USP35: variants seen among roughly 807,000 people sequenced by gnomAD.
The protein encoded by USP35 is ubiquitin specific peptidase 35.
A neutral mutation model predicts 83.8 loss-of-function variants in USP35; 69 were observed. The ratio of observed to expected loss-of-function variants is 0.82; its 90% CI spans 0.68 to 1.01. The LOEUF (loss-of-function observed/expected upper bound fraction) is 1.01. Ranked by LOEUF, USP35 falls within the 50% of genes least tolerant of loss-of-function variation. USP35 has a pLI of 0.00. For synonymous variants in USP35, 714 were observed against 589.5 expected, an observed-to-expected ratio of 1.21 and a Z score of -3.06; for missense variants, 1,503 against 1,362.5, an observed-to-expected ratio of 1.10 and a Z score of -1.62.
At chr11:78,231,195 A>C in the USP35 span, among the ~76,000 whole-genome samples, 4 of 152,240 alleles carry the variant, frequency 2.6e-5, no homozygotes, top group Non-Finnish European at 1.5e-5. Context: ...AGAATCAAAA[A>C]GAAGTTTGAG....
chr11:78,209,318 G>T (rs1006069770), intron 9 of USP35, 130 bp from the exon 10 acceptor site: 64 of 972,422 alleles, frequency 6.6e-5, no homozygotes, highest in Admixed American at 1.2e-4. Flanking sequence ...GTGGGTGTTT[G>T]GTGTGTGCAT....
intron 2 of USP35, 128 bp from the exon 3 acceptor site, chr11:78,197,808 A>T (rs1288071718): frequency 2.3e-6 from 3 of 1,321,804 alleles, no homozygotes; most frequent in South Asian, 1.5e-5. Context: ...GCTATAGGAG[A>T]GGAGGTGGCC....
chr11:78,199,625 G>T lies in USP35; in HGVS notation c.837G>T (p.Gly279=). 7 of 1,614,210 alleles carry T rather than the reference G, an allele frequency of 4.3e-6. No homozygotes were observed. The highest frequency in any genetic ancestry group is 5.9e-6 in the Non-Finnish European group (7 of 1,180,032). The change falls in exon 4 of 11, where the codon GGG becomes GGT. Residue 279 remains glycine (G), a synonymous_variant. Transcript: ENST00000529308. ...RMIDWVSWPL[G]KNIDKWIIAL... Reference sequence around the variant, plus strand: ...TTGACTGGGTGTCCTGGCCCCTGGGGAAGAATATTGACAAGTGGATCATTG... The same window carrying T: ...TTGACTGGGTGTCCTGGCCCCTGGGTAAGAATATTGACAAGTGGATCATTG...
chr11:78,194,622 G>A (rs543384287), intron 1 of USP35, among the ~76,000 whole-genome samples: 1 of 152,336 alleles, frequency 6.6e-6, no homozygotes, highest in African/African-American at 2.4e-5. Flanking sequence ...GAACCTGCAT[G>A]AGAGGGCTCA....
At chr11:78,223,580 G>A in the USP35 span, 1 of 1,613,474 alleles carries the variant, frequency 6.2e-7, no homozygotes, top group African/African-American at 1.3e-5. Context: ...TCACCTGCTC[G>A]TTCCATGGCC....
the USP35 span, among the ~76,000 whole-genome samples, chr11:78,233,682 C>G: frequency 6.6e-6 from 1 of 152,180 alleles, no homozygotes; most frequent in Admixed American, 6.5e-5. Context: ...TCTTGGCTCA[C>G]TGCAACCTCC....
the USP35 span, among the ~76,000 whole-genome samples, chr11:78,228,021 G>A: frequency 8.7e-4 from 132 of 152,266 alleles, no homozygotes; most frequent in Admixed American, 8.2e-3. Flanking sequence ...TGGGCAATAA[G>A]GCAAGCAGTA....
At chr11:78,204,443 G>A (rs966890991) in intron 6 of USP35, among the ~76,000 whole-genome samples, 1 of 152,204 alleles carries the variant, frequency 6.6e-6, no homozygotes, top group Middle Eastern at 3.2e-3. Context: ...CTTGCCAAGG[G>A]AGCCATCACA....
At chr11:78,195,010 G>A (rs977180474) in intron 1 of USP35, among the ~76,000 whole-genome samples, 4 of 152,308 alleles carry the variant, frequency 2.6e-5, no homozygotes, top group South Asian at 2.1e-4. Context: ...TGCAGGGGGA[G>A]GGAAGAGCAT....
chr11:78,196,743 G>A lies in USP35; in HGVS notation c.498G>A (p.Gln166=). 6.5e-7 allele frequency: 1 copy of A among 1,531,832 alleles called. No homozygotes were observed. Among genetic ancestry groups the A allele is most frequent in the Middle Eastern group, 2.0e-4 (1 of 4,918 alleles). 94.9% of individuals were successfully genotyped at this position (1,531,832 alleles called of 1,614,324 possible). The change falls in exon 2 of 11, where the codon CAG becomes CAA. Residue 166 remains glutamine (Q), a synonymous_variant. Transcript: ENST00000529308. The surrounding 1 kb of genome is among the most constrained non-coding windows in gnomAD (Gnocchi z 4.8). ...GACCCCACCGCCTGCTCTTCTGCCA[G>A]CAGCTGGTGCGTTGCCTCGGCCGCT... ...PDGPHRLLFC[Q]QLVRCLGRFR... is the part of the protein sequence containing the mutation.
At chr11:78,219,166 G>A, downstream of USP35, 3 of 1,059,208 alleles carry the variant, frequency 2.8e-6, no homozygotes, top group Non-Finnish European at 4.2e-6. Context: ...GAGACTGGCA[G>A]AGTAGAGAGG....
the USP35 span, chr11:78,220,299 C>A: frequency 3.7e-6 from 6 of 1,611,564 alleles, no homozygotes; most frequent in South Asian, 1.1e-5. Flanking sequence ...TTACTGCCCC[C>A]CCAACTCTAC....
rs1395064790 is a variant in USP35, at chr11:78,214,771, G to GGGGA, written c.*961_*964dup. On this transcript the variant is annotated 3_prime_UTR_variant, in exon 11 of 11. Coordinates refer to ENST00000529308, the MANE Select transcript of USP35 (RefSeq NM_020798.4). ...CCACTGGGTTTTGCTCACGGGGTCT[G>GGGGA]GGGAGGCCAGGACTCAGCCTGCCCC... The GGGGA allele has an allele frequency of 6.6e-6, 1 of 150,922 alleles. No homozygotes were observed. The highest frequency in any genetic ancestry group is 1.9e-4 in the East Asian group (1 of 5,198). 9.3% of individuals were successfully genotyped at this position (150,922 alleles called of 1,614,324 possible).
chr11:78,235,394 C>T, the USP35 span, among the ~76,000 whole-genome samples: 69 of 152,126 alleles, frequency 4.5e-4, no homozygotes, highest in Non-Finnish European at 7.4e-4. Flanking sequence ...CCTTGAGATC[C>T]GCCCACCTCA....
chr11:78,224,254 A>G, the USP35 span, among the ~76,000 whole-genome samples: 3 of 152,140 alleles, frequency 2.0e-5, no homozygotes, highest in Non-Finnish European at 4.4e-5. Context: ...CGCCTGACCA[A>G]CACTGTGGGT....
chr11:78,200,811 G>C lies in USP35; in HGVS notation c.1197+3G>C. The C allele has an allele frequency of 6.2e-7, 1 of 1,600,582 alleles. No individual in the cohort carries two copies. The highest frequency in any genetic ancestry group is 1.7e-4 in the Middle Eastern group (1 of 6,004). The stretch of plus-strand genomic sequence containing the variant: ...AGCCTGTCATGGAGGCCATCAAGGT[G>C]AGCGACAGTCCCCTACTTGGGCCTT... On this transcript the variant is annotated splice_donor_region_variant and intron_variant, in intron 6 of 10. Coordinates refer to ENST00000529308, the MANE Select transcript of USP35 (RefSeq NM_020798.4).
At chr11:78,207,728 T>G (rs1863576303) in intron 8 of USP35, 105 bp downstream of exon 8, 1 of 1,181,246 alleles carries the variant, frequency 8.5e-7, no homozygotes, top group Admixed American at 2.0e-5. Context: ...GGCTGTCATC[T>G]CCCATGTCAG....
At chr11:78,192,445 C>A (rs983787643) in intron 1 of USP35, among the ~76,000 whole-genome samples, 2 of 152,230 alleles carry the variant, frequency 1.3e-5, no homozygotes, top group Non-Finnish European at 2.9e-5. Flanking sequence ...CTGGCCTTGT[C>A]CTCCCTTCCC....
the USP35 span, among the ~76,000 whole-genome samples, chr11:78,230,005 A>T: frequency 6.6e-6 from 1 of 152,182 alleles, no homozygotes; most frequent in African/African-American, 2.4e-5. Context: ...TGTTACCTAT[A>T]TTAGGCACCA....
Sources: gnomAD v4.1 joint callset for allele counts (sites outside exome capture counted in the v4.1 genomes callset) on GRCh38, gnomAD v4.1.1 for gene constraint, Gnocchi (gnomAD v3.1) non-coding constraint, MANE v1.5 for transcripts, NCBI Gene and HGNC (gene_info 2026-07-23, HGNC 2026-07-21) for gene names.